The following UTRN variants were observed in gnomAD, a reference collection of about 807,000 sequenced individuals.
UTRN encodes the protein utrophin.
A neutral mutation model predicts 463.9 loss-of-function variants in UTRN; 283 were observed. That is an observed-to-expected ratio of 0.61 (90% CI 0.55 to 0.67). The LOEUF is 0.67. UTRN is among the 30% of genes least tolerant of loss of function. The probability of loss-of-function intolerance (pLI) is 0.00; values close to 1 mark genes in which losing one functional copy is unlikely to be tolerated. For synonymous variants in UTRN, 1,442 were observed against 1,431.5 expected, an observed-to-expected ratio of 1.01 and a Z score of -0.17; for missense variants, 3,922 against 4,084.3, an observed-to-expected ratio of 0.96 and a Z score of 1.08.
At chr6:144,673,455 A>G (rs1781258376) in intron 51 of UTRN, among the ~76,000 whole-genome samples, 1 of 152,100 alleles carries the variant, frequency 6.6e-6, no homozygotes, top group Non-Finnish European at 1.5e-5. Context: ...ATATAAGAAT[A>G]GCTACTCCTG....
intron 51 of UTRN, among the ~76,000 whole-genome samples, chr6:144,646,422 C>A (rs1486326387): frequency 6.6e-6 from 1 of 152,100 alleles, no homozygotes; most frequent in Non-Finnish European, 1.5e-5. Context: ...CTGTGGCTGT[C>A]TACTATTTGA....
rs61605118 is a variant in UTRN at position 144,502,106 on chromosome 6, A to AT, written c.4764+2689dup. Among the ~76,000 whole-genome samples the AT allele has an allele frequency of 4.9e-3, 709 of 144,148 alleles. 5 individuals carry two copies. Among genetic ancestry groups the AT allele is most frequent in the African/African-American group, 0.015 (598 of 39,624 alleles). The allele number at this position is 144,148 out of a possible 152,430, so 94.6% of individuals were successfully genotyped here. ...TTCCTTTTTTGTTTTTTTAAGTTTTATTTTTTTTTTGAAAAAAAGTAAATC... is the reference window on the plus strand; with the variant it reads ...TTCCTTTTTTGTTTTTTTAAGTTTTATTTTTTTTTTTGAAAAAAAGTAAATC... On this transcript the variant is annotated intron_variant, in intron 34 of 74. Transcript: ENST00000367545.
At chr6:144,453,962 C>G (rs1251807839) in intron 19 of UTRN, 93 bp downstream of exon 19, 4 of 1,022,738 alleles carry the variant, frequency 3.9e-6, no homozygotes, top group East Asian at 2.6e-5. Flanking sequence ...CTTTAATACT[C>G]GAATCCTCTT....
intron 51 of UTRN, among the ~76,000 whole-genome samples, chr6:144,594,524 A>G (rs547179602): frequency 1.1e-4 from 17 of 152,350 alleles, no homozygotes; most frequent in East Asian, 9.6e-4. Flanking sequence ...GAATAAATAA[A>G]CCAAATTTCA....
intron 13 of UTRN, among the ~76,000 whole-genome samples, chr6:144,441,575 G>A (rs1370001956): frequency 6.6e-6 from 1 of 152,204 alleles, no homozygotes; most frequent in Non-Finnish European, 1.5e-5. Context: ...TTGAGTGTCT[G>A]CGGCTTTTCC....
intron 41 of UTRN, among the ~76,000 whole-genome samples, chr6:144,529,952 A>G (rs1796890277): frequency 6.6e-6 from 1 of 152,228 alleles, no homozygotes; most frequent in Non-Finnish European, 1.5e-5. Context: ...GAATATAACA[A>G]GCACTGGGTT....
intron 49 of UTRN, among the ~76,000 whole-genome samples, chr6:144,556,744 A>T (rs889658546): frequency 4.6e-5 from 7 of 152,198 alleles, no homozygotes; most frequent in African/African-American, 1.7e-4. Context: ...CAGGGGCAAG[A>T]GATGGAAGAC....
chr6:144,289,007 C>G (rs1191575393), intron 1 of UTRN, among the ~76,000 whole-genome samples: 1 of 152,124 alleles, frequency 6.6e-6, no homozygotes, highest in African/African-American at 2.4e-5. Context: ...CAAGTGTTAG[C>G]CAGGTTGGTC....
intron 23 of UTRN, among the ~76,000 whole-genome samples, chr6:144,468,306 C>T (rs766522153): frequency 6.6e-6 from 1 of 152,036 alleles, no homozygotes; most frequent in Non-Finnish European, 1.5e-5. Context: ...GGTTGTTGCC[C>T]ATCTGAAATG....
intron 3 of UTRN, among the ~76,000 whole-genome samples, chr6:144,415,927 A>C (rs1199074465): frequency 6.6e-6 from 1 of 152,128 alleles, no homozygotes; most frequent in Non-Finnish European, 1.5e-5. Context: ...GAGGTGGAGA[A>C]GAAGTGAAAG....
At chr6:144,806,113 G>T (rs1298897321) in intron 65 of UTRN, among the ~76,000 whole-genome samples, 1 of 152,046 alleles carries the variant, frequency 6.6e-6, no homozygotes, top group Non-Finnish European at 1.5e-5. Context: ...TCTTGGTCTT[G>T]AACATATAAT....
At chr6:144,690,095 T>TTTTTGTGTGGGTGTG (rs59704043) in intron 52 of UTRN, among the ~76,000 whole-genome samples, 1 of 33,456 alleles carries the variant, frequency 3.0e-5, no homozygotes, top group African/African-American at 1.4e-4. Context: ...TTTTTTTTTT[T>TTTTTGTGTGGGTGTG]TGTGTGTGTG....
At chr6:144,418,984 C>T (rs1784599047) in intron 3 of UTRN, among the ~76,000 whole-genome samples, 2 of 152,192 alleles carry the variant, frequency 1.3e-5, no homozygotes, top group African/African-American at 4.8e-5. Flanking sequence ...GCCTATATAA[C>T]CCCATTTGTT....
chr6:144,645,106 A>G (rs1194564321), intron 51 of UTRN, among the ~76,000 whole-genome samples: 1 of 152,116 alleles, frequency 6.6e-6, no homozygotes, highest in Non-Finnish European at 1.5e-5. Flanking sequence ...ATTTCTTGCT[A>G]TTCTCAATAA....
At chr6:144,322,439 C>T (rs1775719142) in intron 2 of UTRN, among the ~76,000 whole-genome samples, 1 of 152,104 alleles carries the variant, frequency 6.6e-6, no homozygotes, top group Admixed American at 6.5e-5. Flanking sequence ...CTGTGAGTGG[C>T]CCTTCTCAGC....
At chr6:144,422,647 G>A (rs1457924804) in intron 4 of UTRN, among the ~76,000 whole-genome samples, 2 of 152,024 alleles carry the variant, frequency 1.3e-5, no homozygotes, top group Non-Finnish European at 2.9e-5. Flanking sequence ...TAAAAACTAT[G>A]ACATCTATTT....
At chr6:144,658,369 T>C (rs1456147942) in intron 51 of UTRN, among the ~76,000 whole-genome samples, 2 of 152,176 alleles carry the variant, frequency 1.3e-5, no homozygotes, top group Non-Finnish European at 2.9e-5. Flanking sequence ...AGAAAAATGA[T>C]TTGCAAATCC....
chr6:144,466,272 T>G (rs1031401304), intron 23 of UTRN, among the ~76,000 whole-genome samples: 2 of 152,350 alleles, frequency 1.3e-5, no homozygotes, highest in Admixed American at 1.3e-4. Context: ...CATGGCCATG[T>G]GCTTGCTTTT....
chr6:144,633,996 A>T (rs1019956654), intron 51 of UTRN, among the ~76,000 whole-genome samples: 1 of 152,230 alleles, frequency 6.6e-6, no homozygotes, highest in Non-Finnish European at 1.5e-5. Flanking sequence ...GTCTAGCTGC[A>T]CAGCTGAGCA....
Sources: gnomAD v4.1 joint callset for allele counts (sites outside exome capture counted in the v4.1 genomes callset) on GRCh38, gnomAD v4.1.1 for gene constraint, MANE v1.5 for transcripts, NCBI Gene and HGNC (gene_info 2026-07-23, HGNC 2026-07-21) for gene names.